TENT2: variants seen among roughly 807,000 people sequenced by gnomAD.
TENT2 encodes terminal nucleotidyltransferase 2.
Under a neutral mutation model 72.2 loss-of-function variants are expected in TENT2, and 44 were observed. The observed-to-expected ratio is 0.61, with a 90% confidence interval of 0.48 to 0.78. The LOEUF (loss-of-function observed/expected upper bound fraction) is 0.78, where lower values mean the gene tolerates loss of function less well. TENT2 is among the 30% of genes least tolerant of loss of function. TENT2 has a pLI of 0.00. For missense variants in TENT2, 541 were observed against 569.6 expected (o/e 0.95, Z 0.51); for synonymous variants, 212 against 192.5 (o/e 1.10, Z -0.84).
At chr5:79,655,931 C>G (rs767382731) in intron 10 of TENT2, among the ~76,000 whole-genome samples, 1 of 151,544 alleles carries the variant, frequency 6.6e-6, no homozygotes, top group African/African-American at 2.4e-5. Context: ...AGTTGGAGAC[C>G]GTGTAAGTTG....
chr5:79,664,026 TAAC>T (rs1041360266), intron 11 of TENT2, among the ~76,000 whole-genome samples: 6 of 151,968 alleles, frequency 3.9e-5, no homozygotes, highest in Non-Finnish European at 8.8e-5. Flanking sequence ...ATAAAAAATA[TAAC>T]AACTATTTAG....
chr5:79,624,891 A>G (rs1011901367), intron 4 of TENT2, among the ~76,000 whole-genome samples: 2 of 152,188 alleles, frequency 1.3e-5, no homozygotes, highest in East Asian at 1.9e-4. Context: ...TTTTGCATGG[A>G]CATATGTTTT....
chr5:79,679,196 G>A (rs1049470335), intron 12 of TENT2, among the ~76,000 whole-genome samples: 4 of 152,112 alleles, frequency 2.6e-5, no homozygotes, highest in Non-Finnish European at 4.4e-5. Context: ...GAGCCTCTGC[G>A]CCCAGCCTGT....
At chr5:79,641,331 A>G (rs1000074098) in intron 6 of TENT2, 135 bp downstream of exon 6, 11 of 652,386 alleles carry the variant, frequency 1.7e-5, no homozygotes, top group Non-Finnish European at 2.5e-5. Flanking sequence ...TAATTGCAGG[A>G]AACCTAGGTA....
intron 9 of TENT2, 166 bp downstream of exon 9, chr5:79,648,859 GAATC>G: frequency 1.3e-6 from 1 of 796,178 alleles, no homozygotes; most frequent in Non-Finnish European, 2.0e-6. Flanking sequence ...AGTTATAGGT[GAATC>G]AAGTGGCATT....
chr5:79,685,207 C>G lies in TENT2; in HGVS notation c.1389C>G (p.His463Gln). The G allele has an allele frequency of 6.2e-7, 1 of 1,606,104 alleles. No individual in the cohort carries two copies. Among genetic ancestry groups the G allele is most frequent in the Middle Eastern group, 1.7e-4 (1 of 6,046 alleles). ...TTTTCTTTCTCTCCCAGTCATGGCACAGATTGAAAAACAAGAGAGATTTGA... is the reference window on the plus strand; with the variant it reads ...TTTTCTTTCTCTCCCAGTCATGGCAGAGATTGAAAAACAAGAGAGATTTGA... ...MIKDQFLKSW[H>Q]RLKNKRDLNS... Residue 463 changes from histidine (H) to glutamine (Q), a missense_variant, in exon 15 of 15, where the codon CAC (histidine) becomes CAG (glutamine). His to Gln is a conservative substitution (Grantham distance 24). Transcript: ENST00000453514.
At position 79,640,954 on chromosome 5, in the gene TENT2, T is replaced by A. The variant is rs753234338; in HGVS notation, c.569T>A (p.Leu190Gln). 2 of 1,604,666 alleles carry A rather than the reference T, an allele frequency of 1.2e-6. No homozygotes were observed. The highest frequency in any genetic ancestry group is 1.7e-6 in the Non-Finnish European group (2 of 1,176,462). The change falls in exon 5 of 15, where the codon CTG becomes CAG. Residue 190 changes from leucine (L) to glutamine (Q), a missense_variant. Leu to Gln is a moderately radical substitution (Grantham distance 113). Coordinates refer to ENST00000453514, the MANE Select transcript of TENT2 (RefSeq NM_001114394.3). The stretch of plus-strand genomic sequence containing the variant: ...ACACAGCTGCAGAGAGAAATTCAGC[T>A]GTTATTTCCACGTATGTTTCCCTAT... ...CRTQLQREIQLLFPQSRLFLV... is the reference protein window; with the variant it reads ...CRTQLQREIQQLFPQSRLFLV...
chr5:79,669,954 C>T (rs1333553999), intron 12 of TENT2, among the ~76,000 whole-genome samples: 2 of 151,972 alleles, frequency 1.3e-5, no homozygotes, highest in African/African-American at 4.8e-5. Flanking sequence ...TCAGGCCGGG[C>T]GCGGTAGCTC....
chr5:79,624,294 C>A (rs181813228), intron 4 of TENT2, among the ~76,000 whole-genome samples: 2 of 152,240 alleles, frequency 1.3e-5, no homozygotes, highest in East Asian at 3.9e-4. Context: ...TCTTTGGGTT[C>A]CTATCAACCA....
At chr5:79,618,341 C>T (rs957928612) in intron 1 of TENT2, among the ~76,000 whole-genome samples, 1 of 152,106 alleles carries the variant, frequency 6.6e-6, no homozygotes. Flanking sequence ...ATCCTCCCAC[C>T]TCAGCCTCCT....
chr5:79,668,796 C>G, intron 11 of TENT2, 96 bp from the exon 12 acceptor site: 1 of 1,392,004 alleles, frequency 7.2e-7, no homozygotes, highest in Non-Finnish European at 9.6e-7. Context: ...AATTTCTTCT[C>G]TCTTTTTCAA....
chr5:79,640,001 A>G (rs1295663098), intron 4 of TENT2, among the ~76,000 whole-genome samples: 1 of 152,152 alleles, frequency 6.6e-6, no homozygotes, highest in African/African-American at 2.4e-5. Flanking sequence ...TCACACCTGT[A>G]ATCCCAGCAC....
At chr5:79,630,003 G>T (rs915429892) in intron 4 of TENT2, among the ~76,000 whole-genome samples, 1 of 151,964 alleles carries the variant, frequency 6.6e-6, no homozygotes, top group African/African-American at 2.4e-5. Flanking sequence ...GGGCGTGGTG[G>T]CGTGTGCCGT....
At chr5:79,667,287 A>G (rs1809026100) in intron 11 of TENT2, among the ~76,000 whole-genome samples, 2 of 152,222 alleles carry the variant, frequency 1.3e-5, no homozygotes, top group African/African-American at 4.8e-5. Context: ...AAGCTTTCAG[A>G]GCGGGAGCTA....
At chr5:79,650,543 T>C (rs1040643592) in intron 10 of TENT2, among the ~76,000 whole-genome samples, 4 of 152,108 alleles carry the variant, frequency 2.6e-5, no homozygotes, top group African/African-American at 9.7e-5. Flanking sequence ...TTTATTGCAT[T>C]GTTTGGTGCT....
At position 79,626,625 on chromosome 5, in the gene TENT2, A is replaced by ATTT. The variant is rs564494148; in HGVS notation, c.465+3150_465+3152dup. 5.6e-3 allele frequency among the ~76,000 whole-genome samples: 748 copies of ATTT among 134,448 alleles called. 3 individuals are homozygous for ATTT. Among genetic ancestry groups the ATTT allele is most frequent in the Non-Finnish European group, 8.2e-3 (513 of 62,558 alleles). The allele number at this position is 134,448 out of a possible 152,430, so 88.2% of individuals were successfully genotyped here. ...CCCGGCCACCTGGCTAATGTTTTTA[A>ATTT]TTTTTTTTTTTTTTTTGGTAGAGCC... On this transcript the variant is annotated intron_variant, in intron 4 of 14. Coordinates refer to ENST00000453514, the MANE Select transcript of TENT2 (RefSeq NM_001114394.3).
intron 1 of TENT2, among the ~76,000 whole-genome samples, chr5:79,615,895 TG>T (rs1759452194): frequency 6.6e-6 from 1 of 151,818 alleles, no homozygotes; most frequent in East Asian, 1.9e-4. Flanking sequence ...GTTGTGTGTT[TG>T]TTTTTTTTTT....
At chr5:79,657,965 G>A (rs1380031769) in intron 11 of TENT2, among the ~76,000 whole-genome samples, 1 of 152,144 alleles carries the variant, frequency 6.6e-6, no homozygotes, top group East Asian at 1.9e-4. Context: ...ACTTGACATG[G>A]AACATCAGTT....
intron 1 of TENT2, among the ~76,000 whole-genome samples, chr5:79,618,769 AT>A (rs1312656279): frequency 6.6e-6 from 1 of 152,118 alleles, no homozygotes; most frequent in Non-Finnish European, 1.5e-5. Context: ...TGTTAAGTTG[AT>A]TAGTTAGCTA....
Sources: gnomAD v4.1 joint callset for allele counts (sites outside exome capture counted in the v4.1 genomes callset) on GRCh38, gnomAD v4.1.1 for gene constraint, MANE v1.5 for transcripts, NCBI Gene and HGNC (gene_info 2026-07-23, HGNC 2026-07-21) for gene names.